The following NEBL variants were observed in gnomAD, a reference collection of about 807,000 sequenced individuals.
NEBL encodes the protein LIM and SH3 protein 2.
Under a neutral mutation model 140.2 loss-of-function variants are expected in NEBL, and 122 were observed. The observed-to-expected ratio is 0.87, with a 90% CI of 0.75 to 1.01. NEBL has a LOEUF of 1.01. Among genes scored for constraint, NEBL ranks in the 50% least tolerant of loss-of-function variants. The probability of loss-of-function intolerance (pLI) is 0.00; values close to 1 mark genes in which losing one functional copy is unlikely to be tolerated. For synonymous variants in NEBL, 436 were observed against 398.9 expected (o/e 1.09, Z -1.11); for missense variants, 1,365 against 1,231.3 (o/e 1.11, Z -1.62).
chr10:21,275,500 G>A (rs967303162), intron 1 of NEBL, among the ~76,000 whole-genome samples: 7 of 152,158 alleles, frequency 4.6e-5, no homozygotes, highest in African/African-American at 1.7e-4. Context: ...CACTTTGCAG[G>A]TTTTCCTCCT....
At chr10:20,864,371 A>T (rs1056149717) in intron 7 of NEBL, among the ~76,000 whole-genome samples, 5 of 152,166 alleles carry the variant, frequency 3.3e-5, no homozygotes, top group African/African-American at 1.2e-4. Flanking sequence ...GTATATTGCA[A>T]ATTTTAAAAA....
chr10:20,904,795 A>G (rs142104081), intron 4 of NEBL, among the ~76,000 whole-genome samples: 153 of 152,352 alleles, frequency 1.0e-3, no homozygotes, highest in African/African-American at 3.4e-3. Flanking sequence ...AAACTTGAAT[A>G]TGAGAGTGGA....
At chr10:20,790,383 A>G (rs1303870786) in intron 26 of NEBL, among the ~76,000 whole-genome samples, 1 of 152,052 alleles carries the variant, frequency 6.6e-6, no homozygotes, top group Admixed American at 6.6e-5. Flanking sequence ...TGGGCAGATC[A>G]CTGGAGGTCA....
At position 20,813,956 on chromosome 10, in the gene NEBL, G is replaced by A. The variant is rs752922937; in HGVS notation, c.2329C>T (p.Gln777Ter). 7.5e-6 allele frequency: 12 copies of A among 1,597,036 alleles called. No homozygotes were observed. The highest frequency in any genetic ancestry group is 1.0e-5 in the Non-Finnish European group (12 of 1,164,692). Residue 777 changes from glutamine (Q) to a stop codon, truncating the protein, a stop_gained, in exon 23 of 28, where the codon CAA (glutamine) becomes TAA (stop). Coordinates refer to ENST00000377122, the MANE Select transcript of NEBL (RefSeq NM_006393.3). LOFTEE classifies it high-confidence loss of function. ...TPAMRHVKEA[Q>*]NHISMVKYHE... ...GACCCTACCATTGAAATATGATTTT[G>A]TGCTTCTTTAACATGTCTCATAGCA...
intron 3 of NEBL, among the ~76,000 whole-genome samples, chr10:21,206,968 C>CTTTTT (rs1028716031): frequency 6.0e-4 from 59 of 99,112 alleles, no homozygotes; most frequent in Non-Finnish European, 8.1e-4. Flanking sequence ...CTTTTTCTTT[C>CTTTTT]TTTTTTTTTT....
At chr10:21,169,415 A>T (rs1388872022) in intron 2 of NEBL, among the ~76,000 whole-genome samples, 1 of 152,024 alleles carries the variant, frequency 6.6e-6, no homozygotes, top group African/African-American at 2.4e-5. Context: ...TGACCCGGAG[A>T]AATTATGGCG....
chr10:20,799,135 TG>T (rs1356247407), intron 26 of NEBL, among the ~76,000 whole-genome samples: 1 of 152,220 alleles, frequency 6.6e-6, no homozygotes, highest in Non-Finnish European at 1.5e-5. Context: ...ATTTTTCTAA[TG>T]ATTAGATTCA....
chr10:21,261,440 G>A (rs1220348420), intron 1 of NEBL, among the ~76,000 whole-genome samples: 1 of 152,098 alleles, frequency 6.6e-6, no homozygotes, highest in Non-Finnish European at 1.5e-5. Flanking sequence ...CAGGAGGATT[G>A]CTTGAGCCCA....
chr10:21,020,079 T>A (rs746027348), intron 3 of NEBL: 21 of 1,547,418 alleles, frequency 1.4e-5, no homozygotes, highest in Non-Finnish European at 1.8e-5. Context: ...GAAAAATCTT[T>A]AGGGCCAAGG....
chr10:20,865,762 C>T (rs1002617549), intron 7 of NEBL, among the ~76,000 whole-genome samples: 1 of 152,136 alleles, frequency 6.6e-6, no homozygotes, highest in Non-Finnish European at 1.5e-5. Context: ...GTTATAAAGT[C>T]GCTTTATAAG....
chr10:21,245,062 G>A (rs1842498656), intron 3 of NEBL, among the ~76,000 whole-genome samples: 1 of 152,040 alleles, frequency 6.6e-6, no homozygotes, highest in African/African-American at 2.4e-5. Context: ...ATTCAGAGGA[G>A]ATGAGGTGGG....
intron 2 of NEBL, among the ~76,000 whole-genome samples, chr10:21,139,250 C>T (rs1304560550): frequency 6.6e-6 from 1 of 152,088 alleles, no homozygotes; most frequent in African/African-American, 2.4e-5. Context: ...TAGAGAAGGG[C>T]ATTTTCATTA....
At chr10:20,906,125 T>G (rs1321971430) in intron 4 of NEBL, among the ~76,000 whole-genome samples, 1 of 152,214 alleles carries the variant, frequency 6.6e-6, no homozygotes, top group Non-Finnish European at 1.5e-5. Context: ...TAAGGGAAAT[T>G]CATTCGTATT....
At chr10:20,856,351 G>A (rs375629195) in intron 9 of NEBL, among the ~76,000 whole-genome samples, 76 of 152,152 alleles carry the variant, frequency 5.0e-4, no homozygotes, top group African/African-American at 1.6e-3. Context: ...TTGCATAGGA[G>A]TGGCACGCTT....
At chr10:21,104,026 T>C (rs933703360) in intron 2 of NEBL, among the ~76,000 whole-genome samples, 10 of 152,204 alleles carry the variant, frequency 6.6e-5, no homozygotes, top group Non-Finnish European at 1.2e-4. Context: ...GGATATAAAA[T>C]TGTTCCTGCA....
intron 23 of NEBL, 26 bp from the exon 24 acceptor site, chr10:20,812,966 G>A (rs1250510336): frequency 9.4e-6 from 15 of 1,595,608 alleles, no homozygotes; most frequent in Non-Finnish European, 1.2e-5. Flanking sequence ...TCATCATACT[G>A]AATTTTGCGG....
intron 7 of NEBL, among the ~76,000 whole-genome samples, chr10:20,862,227 A>G (rs1843777752): frequency 6.6e-6 from 1 of 152,210 alleles, no homozygotes; most frequent in Non-Finnish European, 1.5e-5. Flanking sequence ...TTATTCATAT[A>G]TTTATATTAA....
At chr10:20,857,516 T>A (rs548252117) in intron 9 of NEBL, among the ~76,000 whole-genome samples, 47 of 152,254 alleles carry the variant, frequency 3.1e-4, no homozygotes, top group African/African-American at 1.1e-3. Flanking sequence ...GGAAATAACT[T>A]ATGGTCAAAT....
intron 1 of NEBL, among the ~76,000 whole-genome samples, chr10:21,280,967 T>C (rs1033883465): frequency 1.3e-5 from 2 of 152,120 alleles, no homozygotes; most frequent in Non-Finnish European, 2.9e-5. Flanking sequence ...TGCATCTTAA[T>C]CTGATGATAT....
Sources: allele counts gnomAD v4.1 joint callset (sites outside exome capture counted in the v4.1 genomes callset), GRCh38; gene constraint gnomAD v4.1.1; transcripts MANE v1.5; gene names NCBI Gene and HGNC (gene_info 2026-07-23, HGNC 2026-07-21).